Variants in SLC4A10 observed in about 807,000 individuals in gnomAD.
SLC4A10 encodes sodium-driven chloride bicarbonate exchanger.
SLC4A10 carries 42 observed loss-of-function variants against 137.7 expected under a neutral mutation model. The ratio of observed to expected loss-of-function variants is 0.30; its 90% confidence interval spans 0.24 to 0.39. SLC4A10 has a LOEUF of 0.39. Among genes scored for constraint, SLC4A10 ranks in the 10% least tolerant of loss-of-function variants. SLC4A10 has a pLI of 1.00. For synonymous variants in SLC4A10, 474 were observed against 464.1 expected, an observed-to-expected ratio of 1.02 and a Z score of -0.27; for missense variants, 925 against 1,355.0, an observed-to-expected ratio of 0.68 and a Z score of 4.98.
At chr2:161,823,427 A>C (rs557739185) in intron 3 of SLC4A10, among the ~76,000 whole-genome samples, 1 of 152,370 alleles carries the variant, frequency 6.6e-6, no homozygotes, top group South Asian at 2.1e-4. Context: ...TCATCTCTTC[A>C]GTAAACAGCA....
intron 10 of SLC4A10, among the ~76,000 whole-genome samples, chr2:161,889,077 G>A (rs2062633058): frequency 6.6e-6 from 1 of 152,122 alleles, no homozygotes; most frequent in South Asian, 2.1e-4. Flanking sequence ...TTTATGTGAT[G>A]GATTACACTT....
chr2:161,896,953 A>G (rs1373417588), intron 11 of SLC4A10, among the ~76,000 whole-genome samples: 1 of 152,130 alleles, frequency 6.6e-6, no homozygotes, highest in Non-Finnish European at 1.5e-5. Flanking sequence ...CTGTCCTTGT[A>G]TGTTTTGATA....
chr2:161,755,771 ATT>A (rs368478470), intron 1 of SLC4A10, among the ~76,000 whole-genome samples: 5 of 140,336 alleles, frequency 3.6e-5, no homozygotes, highest in African/African-American at 5.3e-5. Flanking sequence ...CGTTCCTTAA[ATT>A]TTTTTTTTTT....
chr2:161,755,000 T>A (rs980879977), intron 1 of SLC4A10, among the ~76,000 whole-genome samples: 3 of 152,124 alleles, frequency 2.0e-5, no homozygotes, highest in African/African-American at 7.2e-5. Context: ...GACACCAAAA[T>A]AATATAACTG....
chr2:161,655,988 AT>A (rs1558958205), intron 1 of SLC4A10, among the ~76,000 whole-genome samples: 2 of 151,496 alleles, frequency 1.3e-5, no homozygotes, highest in Admixed American at 1.3e-4. Context: ...TAATTTTTGT[AT>A]TTTTAGTAGA....
chr2:161,806,237 C>T (rs577611807), intron 3 of SLC4A10, among the ~76,000 whole-genome samples: 1 of 152,174 alleles, frequency 6.6e-6, no homozygotes, highest in Admixed American at 6.5e-5. Context: ...CTGAGAAAAC[C>T]ACTTTTTCTT....
At chr2:161,751,396 T>C (rs566978627) in intron 1 of SLC4A10, among the ~76,000 whole-genome samples, 15 of 151,476 alleles carry the variant, frequency 9.9e-5, no homozygotes, top group Non-Finnish European at 2.2e-4. Context: ...TTACTTTTCC[T>C]TTTGTTTTTG....
intron 15 of SLC4A10, among the ~76,000 whole-genome samples, chr2:161,911,253 G>A (rs753085992): frequency 4.0e-5 from 6 of 151,820 alleles, no homozygotes; most frequent in Non-Finnish European, 8.8e-5. Flanking sequence ...TAGAAGTTTG[G>A]GATAAATTTG....
intron 10 of SLC4A10, among the ~76,000 whole-genome samples, chr2:161,883,282 C>T (rs2061955474): frequency 1.3e-5 from 2 of 152,072 alleles, no homozygotes; most frequent in South Asian, 2.1e-4. Flanking sequence ...TATTGAAATA[C>T]ATGGCTGCAG....
intron 5 of SLC4A10, among the ~76,000 whole-genome samples, chr2:161,855,533 A>G (rs1167655816): frequency 6.6e-6 from 1 of 152,164 alleles, no homozygotes; most frequent in Admixed American, 6.6e-5. Flanking sequence ...ATGGACACAG[A>G]AAGGTACGGC....
At chr2:161,916,606 A>C (rs534916789) in intron 15 of SLC4A10, among the ~76,000 whole-genome samples, 1 of 152,154 alleles carries the variant, frequency 6.6e-6, no homozygotes, top group Non-Finnish European at 1.5e-5. Context: ...GTATGGCTTC[A>C]TCTGTTCCCC....
At chr2:161,741,743 G>A (rs2047921654) in intron 1 of SLC4A10, among the ~76,000 whole-genome samples, 1 of 152,092 alleles carries the variant, frequency 6.6e-6, no homozygotes. Flanking sequence ...TTTGATGCAG[G>A]TATACAATGT....
chr2:161,904,764 A>C lies in SLC4A10; in HGVS notation c.1618-12A>C. The C allele has an allele frequency of 6.2e-7, 1 of 1,613,314 alleles. No homozygotes were observed. The highest frequency in any genetic ancestry group is 8.5e-7 in the Non-Finnish European group (1 of 1,179,586). Reference sequence around the variant, plus strand: ...CAGCTTAGGTAATTGAACCATTTATATCTCTACACAGAGTGCAATTGAATC... The same window carrying C: ...CAGCTTAGGTAATTGAACCATTTATCTCTCTACACAGAGTGCAATTGAATC... On this transcript the variant is annotated splice_polypyrimidine_tract_variant and intron_variant, in intron 13 of 26. Coordinates refer to ENST00000446997, the MANE Select transcript of SLC4A10 (RefSeq NM_001178015.2).
At chr2:161,689,227 T>A (rs2041743635) in intron 1 of SLC4A10, among the ~76,000 whole-genome samples, 1 of 152,170 alleles carries the variant, frequency 6.6e-6, no homozygotes, top group Non-Finnish European at 1.5e-5. Flanking sequence ...TCGTACGGTG[T>A]TTATGAAGTC....
intron 5 of SLC4A10, among the ~76,000 whole-genome samples, chr2:161,861,332 T>C (rs2060423096): frequency 6.6e-6 from 1 of 152,174 alleles, no homozygotes; most frequent in Non-Finnish European, 1.5e-5. Flanking sequence ...AAACAATATA[T>C]TTCTCACTGG....
At chr2:161,978,559 A>G (rs1041803108) in intron 26 of SLC4A10, among the ~76,000 whole-genome samples, 1 of 152,090 alleles carries the variant, frequency 6.6e-6, no homozygotes, top group African/African-American at 2.4e-5. Flanking sequence ...GACTTAGAGA[A>G]TATATCTCTT....
chr2:161,800,296 A>G (rs1275060011), intron 2 of SLC4A10, among the ~76,000 whole-genome samples: 1 of 151,990 alleles, frequency 6.6e-6, no homozygotes, highest in Admixed American at 6.6e-5. Flanking sequence ...CATTCCTTTC[A>G]TAAAGTGTTT....
At chr2:161,649,787 G>T (rs9646768) in intron 1 of SLC4A10, among the ~76,000 whole-genome samples, 8,548 of 83,676 alleles carry the variant, frequency 0.1, 289 homozygotes, top group South Asian at 0.16. Context: ...TGGTCCTTAG[G>T]CCTAAATAGA....
intron 2 of SLC4A10, among the ~76,000 whole-genome samples, chr2:161,803,164 A>G (rs1559283717): frequency 6.6e-6 from 1 of 152,078 alleles, no homozygotes; most frequent in Non-Finnish European, 1.5e-5. Flanking sequence ...GCTTCCTCAT[A>G]AATTTTTCTG....
Sources: allele counts gnomAD v4.1 joint callset (sites outside exome capture counted in the v4.1 genomes callset), GRCh38; gene constraint gnomAD v4.1.1; transcripts MANE v1.5; gene names NCBI Gene and HGNC (gene_info 2026-07-23, HGNC 2026-07-21).